FAM13A: variants seen among roughly 807,000 people sequenced by gnomAD.
FAM13A encodes family with sequence similarity 13 member A.
In FAM13A, 76 loss-of-function variants were observed where a neutral mutation model predicts 129.6. The observed-to-expected ratio is 0.59, with a 90% CI of 0.49 to 0.71. The LOEUF (loss-of-function observed/expected upper bound fraction) is 0.71. Among genes scored for constraint, FAM13A ranks in the 30% least tolerant of loss-of-function variants. The pLI, the probability that FAM13A is intolerant of heterozygous loss-of-function variation, is 0.00. For synonymous variants in FAM13A, 443 were observed against 449.9 expected (o/e 0.98, Z 0.20); for missense variants, 1,108 against 1,249.3 (o/e 0.89, Z 1.70).
chr4:88,944,057 C>T (rs1319289503), intron 4 of FAM13A, among the ~76,000 whole-genome samples: 1 of 152,184 alleles, frequency 6.6e-6, no homozygotes, highest in Non-Finnish European at 1.5e-5. Flanking sequence ...TGATTATTTG[C>T]ATAAGTTCAA....
At chr4:88,739,253 C>T in intron 19 of FAM13A, 128 bp from the exon 20 acceptor site, 1 of 655,086 alleles carries the variant, frequency 1.5e-6, no homozygotes, top group Middle Eastern at 4.1e-4. Context: ...TTACTACCCT[C>T]ACAGAATTTA....
chr4:88,780,606 T>C (rs1722658864), intron 11 of FAM13A, among the ~76,000 whole-genome samples: 1 of 152,178 alleles, frequency 6.6e-6, no homozygotes, highest in Non-Finnish European at 1.5e-5. Context: ...ATACTATGTA[T>C]TGAATTAAGG....
chr4:88,831,773 T>C (rs1443707491), intron 7 of FAM13A, among the ~76,000 whole-genome samples: 3 of 152,218 alleles, frequency 2.0e-5, no homozygotes, highest in Non-Finnish European at 2.9e-5. Flanking sequence ...AAACATCTCA[T>C]GTTCATGGAT....
intron 6 of FAM13A, among the ~76,000 whole-genome samples, chr4:88,886,744 T>C (rs1744484265): frequency 6.6e-6 from 1 of 151,866 alleles, no homozygotes; most frequent in Non-Finnish European, 1.5e-5. Flanking sequence ...CCGTCTCTAC[T>C]AATAATACAA....
intron 6 of FAM13A, among the ~76,000 whole-genome samples, chr4:88,862,599 T>C (rs1180335296): frequency 6.6e-6 from 1 of 152,192 alleles, no homozygotes; most frequent in African/African-American, 2.4e-5. Context: ...CAAACACTAA[T>C]CTTTGTTGAT....
chr4:88,993,026 T>C (rs758799692), intron 3 of FAM13A, among the ~76,000 whole-genome samples: 19 of 152,140 alleles, frequency 1.2e-4, no homozygotes, highest in African/African-American at 3.9e-4. Context: ...TGAAAACATA[T>C]AGCAAATCAG....
rs544229022 is a variant in FAM13A, at chr4:88,976,212, C to T, written c.605+14761G>A. On this transcript the variant is annotated intron_variant, in intron 4 of 23. Coordinates refer to ENST00000264344, the MANE Select transcript of FAM13A (RefSeq NM_014883.4). ...TGAATAACTGGCTGACTTAAAAGAT[C>T]TTGAATTTACGATCAACTATATATC... is the stretch of plus-strand genomic sequence containing the variant. Among the ~76,000 whole-genome samples, 563 of 152,250 alleles carry T rather than the reference C, an allele frequency of 3.7e-3. 7 individuals are homozygous for T. The highest frequency in any genetic ancestry group is 2.4e-3 in the Non-Finnish European group (166 of 68,004).
At chr4:88,930,914 C>A (rs1752932652) in intron 5 of FAM13A, among the ~76,000 whole-genome samples, 1 of 152,162 alleles carries the variant, frequency 6.6e-6, no homozygotes, top group Non-Finnish European at 1.5e-5. Context: ...GGAGAGCTTG[C>A]TCTTTCCTGT....
intron 19 of FAM13A, among the ~76,000 whole-genome samples, chr4:88,739,643 C>T (rs1739774552): frequency 6.8e-6 from 1 of 146,488 alleles, no homozygotes; most frequent in African/African-American, 2.5e-5. Context: ...AAAAAATTAG[C>T]TGAGTGTGGT....
intron 1 of FAM13A, among the ~76,000 whole-genome samples, chr4:89,035,267 G>A (rs1302756872): frequency 6.6e-6 from 1 of 152,126 alleles, no homozygotes; most frequent in Non-Finnish European, 1.5e-5. Flanking sequence ...AGAATCAATA[G>A]AAGCCCAAAC....
At chr4:88,905,454 A>G (rs1263632484) in intron 6 of FAM13A, among the ~76,000 whole-genome samples, 1 of 152,176 alleles carries the variant, frequency 6.6e-6, no homozygotes, top group Non-Finnish European at 1.5e-5. Context: ...TGAAGGTTAC[A>G]TAGGTAAACA....
intron 6 of FAM13A, among the ~76,000 whole-genome samples, chr4:88,897,051 C>CCT (rs1746471376): frequency 6.6e-6 from 1 of 151,980 alleles, no homozygotes; most frequent in African/African-American, 2.4e-5. Flanking sequence ...TTCATTGGAT[C>CCT]CTCTTCAGGG....
chr4:88,737,752 C>A (rs1455276712), intron 20 of FAM13A, 197 bp from the exon 21 acceptor site: 1 of 591,980 alleles, frequency 1.7e-6, no homozygotes, highest in East Asian at 3.0e-5. Flanking sequence ...AGCGCCCACA[C>A]ACATAAATCA....
intron 6 of FAM13A, among the ~76,000 whole-genome samples, chr4:88,903,216 C>T (rs1202369361): frequency 6.6e-6 from 1 of 152,158 alleles, no homozygotes; most frequent in Non-Finnish European, 1.5e-5. Context: ...TCCCATTAAA[C>T]TATCATTGAT....
At chr4:88,849,582 A>G (rs1342660613) in intron 7 of FAM13A, among the ~76,000 whole-genome samples, 1 of 152,228 alleles carries the variant, frequency 6.6e-6, no homozygotes, top group African/African-American at 2.4e-5. Flanking sequence ...TCAGTCTATT[A>G]AACTGTTATA....
At chr4:88,892,361 A>G (rs1305151188) in intron 6 of FAM13A, among the ~76,000 whole-genome samples, 1 of 151,734 alleles carries the variant, frequency 6.6e-6, no homozygotes, top group Non-Finnish European at 1.5e-5. Context: ...TTGTATTTTT[A>G]GTAGAGATGG....
At chr4:88,812,922 C>T (rs903999126) in intron 7 of FAM13A, among the ~76,000 whole-genome samples, 7 of 152,154 alleles carry the variant, frequency 4.6e-5, no homozygotes, top group Non-Finnish European at 8.8e-5. Flanking sequence ...TGCCTAGGAG[C>T]ATTCTCTGAT....
chr4:89,049,934 A>G (rs955756521), intron 1 of FAM13A, among the ~76,000 whole-genome samples: 2 of 152,140 alleles, frequency 1.3e-5, no homozygotes, highest in African/African-American at 2.4e-5. Flanking sequence ...TTTGAGCAAC[A>G]TTAATTTAAC....
Position 88,749,912 on chromosome 4 carries a change from G to T in FAM13A, c.1941-3C>A. 1 of 1,613,218 alleles carries T rather than the reference G, an allele frequency of 6.2e-7. No individual in the cohort carries two copies. The highest frequency in any genetic ancestry group is 8.5e-7 in the Non-Finnish European group (1 of 1,179,918). ...ACCCCAGAGAGGAGCTTCGCCGCCTGTGAAGAGTACGACTTGGGTCAGTTT... is the reference window on the plus strand; with the variant it reads ...ACCCCAGAGAGGAGCTTCGCCGCCTTTGAAGAGTACGACTTGGGTCAGTTT... On this transcript the variant is annotated splice_polypyrimidine_tract_variant and splice_region_variant and intron_variant, in intron 15 of 23. Coordinates refer to ENST00000264344, the MANE Select transcript of FAM13A (RefSeq NM_014883.4).
Sources: gnomAD v4.1 joint callset for allele counts (sites outside exome capture counted in the v4.1 genomes callset) on GRCh38, gnomAD v4.1.1 for gene constraint, MANE v1.5 for transcripts, NCBI Gene and HGNC (gene_info 2026-07-23, HGNC 2026-07-21) for gene names.